Variants in ESF1 observed in about 807,000 individuals in gnomAD.
ESF1 encodes ESF1 nucleolar pre-rRNA processing protein, also known as ESF1 homolog.
ESF1 carries 58 observed loss-of-function variants against 92.0 expected under a neutral mutation model. The ratio of observed to expected loss-of-function variants is 0.63; its 90% confidence interval spans 0.51 to 0.78. The LOEUF (loss-of-function observed/expected upper bound fraction) is 0.78. ESF1 is among the 30% of genes least tolerant of loss of function. ESF1 has a pLI of 0.00. For missense variants in ESF1, 922 were observed against 989.1 expected (o/e 0.93, Z 0.91); for synonymous variants, 321 against 313.7 (o/e 1.02, Z -0.24).
At chr20:13,733,614 T>C in intron 10 of ESF1, 107 bp downstream of exon 10, 3 of 1,192,614 alleles carry the variant, frequency 2.5e-6, no homozygotes, top group Non-Finnish European at 3.4e-6. Context: ...TAACAAGGCC[T>C]ACTTCAGTGA....
intron 7 of ESF1, among the ~76,000 whole-genome samples, chr20:13,767,505 G>T (rs1358511493): frequency 6.6e-6 from 1 of 150,974 alleles, no homozygotes; most frequent in Non-Finnish European, 1.5e-5. Flanking sequence ...CTCCAGCCTG[G>T]GCAACAAGAG....
intron 8 of ESF1, among the ~76,000 whole-genome samples, chr20:13,765,959 C>T (rs935456279): frequency 6.6e-6 from 1 of 151,940 alleles, no homozygotes; most frequent in Admixed American, 6.6e-5. Context: ...TGAGAAATAG[C>T]CAAATACAAC....
chr20:13,737,811 G>A (rs551509159), intron 9 of ESF1, among the ~76,000 whole-genome samples: 1 of 150,940 alleles, frequency 6.6e-6, no homozygotes, highest in Admixed American at 6.7e-5. Context: ...ACGCCACCAT[G>A]CCAGACTAAT....
At chr20:13,717,623 T>C in intron 12 of ESF1, 109 bp from the exon 13 acceptor site, 1 of 1,233,928 alleles carries the variant, frequency 8.1e-7, no homozygotes, top group South Asian at 1.5e-5. Context: ...ACTCAATCAC[T>C]AGAACTCTGG....
At chr20:13,769,441 G>A (rs953383530) in intron 7 of ESF1, among the ~76,000 whole-genome samples, 1 of 152,182 alleles carries the variant, frequency 6.6e-6, no homozygotes, top group Admixed American at 6.5e-5. Context: ...ATATGGTAGA[G>A]GCAGACACGC....
At chr20:13,737,007 T>C (rs951632785) in intron 9 of ESF1, among the ~76,000 whole-genome samples, 6 of 152,196 alleles carry the variant, frequency 3.9e-5, no homozygotes, top group African/African-American at 1.4e-4. Context: ...ATCACAGCTG[T>C]TTATGTTCTA....
At chr20:13,772,364 T>G in intron 5 of ESF1, 151 bp downstream of exon 5, 1 of 559,030 alleles carries the variant, frequency 1.8e-6, no homozygotes, top group Non-Finnish European at 3.2e-6. Flanking sequence ...AATGTACCAC[T>G]TTTAACAGAC....
intron 9 of ESF1, among the ~76,000 whole-genome samples, chr20:13,735,162 A>T (rs1432382971): frequency 1.3e-5 from 2 of 152,098 alleles, no homozygotes; most frequent in African/African-American, 4.8e-5. Context: ...AAAAATATAT[A>T]AAACAACTAA....
In ESF1 at chr20:13,714,797, C is replaced by T. The variant is rs1172156043; in HGVS notation, c.*77G>A. The T allele has an allele frequency of 3.3e-6, 4 of 1,203,174 alleles. No individual in the cohort carries two copies. The African/African-American group carries it at 6.1e-5, about 18-fold the overall frequency. The allele number at this position is 1,203,174 out of a possible 1,614,324, so 74.5% of individuals were successfully genotyped here. On this transcript the variant is annotated 3_prime_UTR_variant, in exon 14 of 14. Coordinates refer to ENST00000617257, the MANE Select transcript of ESF1 (RefSeq NM_001276380.2). ...ATGTTCTTGAAAGATAGCTTTGTTC[C>T]CAATAAATATTCCCTCCTATTATTT... is the stretch of plus-strand genomic sequence containing the variant.
intron 2 of ESF1, among the ~76,000 whole-genome samples, chr20:13,778,347 A>G (rs577426734): frequency 1.3e-3 from 191 of 152,268 alleles, no homozygotes; most frequent in African/African-American, 4.4e-3. Context: ...TGAGGTAAGC[A>G]GAATTTACTT....
chr20:13,773,960 T>C (rs1979807517), intron 4 of ESF1, among the ~76,000 whole-genome samples: 2 of 151,806 alleles, frequency 1.3e-5, no homozygotes, highest in South Asian at 4.2e-4. Flanking sequence ...CCGGGCGTGG[T>C]GGTGGGCGCC....
intron 13 of ESF1, among the ~76,000 whole-genome samples, chr20:13,716,473 C>T (rs747209140): frequency 6.6e-6 from 1 of 152,088 alleles, no homozygotes; most frequent in Non-Finnish European, 1.5e-5. Context: ...AAAAACTACA[C>T]ATTTTTGGTA....
At chr20:13,737,012 G>A (rs912852571) in intron 9 of ESF1, among the ~76,000 whole-genome samples, 10 of 152,258 alleles carry the variant, frequency 6.6e-5, no homozygotes, top group Non-Finnish European at 1.3e-4. Context: ...AGCTGTTTAT[G>A]TTCTAAGTTC....
At position 13,717,384 on chromosome 20, in the gene ESF1, A is replaced by G. The variant is rs762607301; in HGVS notation, c.2246T>C (p.Ile749Thr). 7.4e-6 allele frequency: 12 copies of G among 1,614,086 alleles called. No homozygotes were observed. In the South Asian group the frequency reaches 1.2e-4, roughly 16 times the overall value. ...TATGGTTACCTCAAAGTCATCCTCT[A>G]TTAATTCCTTCTTTTTCATGAGCTG... is the stretch of plus-strand genomic sequence containing the variant. ...KKQLMKKKEL[I>T]EDDFEVNVND... is the part of the protein sequence containing the mutation. The change falls in exon 13 of 14, where the codon ATA becomes ACA. Residue 749 changes from isoleucine (I) to threonine (T), a missense_variant. By Grantham distance (89) the Ile-to-Thr change is moderately conservative. Coordinates refer to ENST00000617257, the MANE Select transcript of ESF1 (RefSeq NM_001276380.2).
intron 11 of ESF1, among the ~76,000 whole-genome samples, chr20:13,719,646 A>G (rs2049854288): frequency 6.6e-6 from 1 of 152,178 alleles, no homozygotes; most frequent in African/African-American, 2.4e-5. Flanking sequence ...GGTGAATTTA[A>G]GAGTTAAATA....
intron 9 of ESF1, among the ~76,000 whole-genome samples, chr20:13,756,974 A>T (rs896226143): frequency 6.6e-6 from 1 of 151,994 alleles, no homozygotes; most frequent in Non-Finnish European, 1.5e-5. Context: ...TGGGTTTGAG[A>T]TCTGTCCTAT....
chr20:13,782,679 C>T lies in ESF1; in HGVS notation c.462G>A (p.Pro154=), dbSNP rs916864506. Residue 154 remains proline (P), a synonymous_variant, in exon 2 of 14, where the codon CCG becomes CCA. Transcript: ENST00000617257. ...CKFKIDSNIS[P]KKDSKEFTQK... ...GTGTAAATTCTTTGCTATCCTTCTT[C>T]GGACTTATGTTTGAATCTATCTTAA... is the stretch of plus-strand genomic sequence containing the variant. 4 of 1,596,706 alleles carry T rather than the reference C, an allele frequency of 2.5e-6. No homozygotes were observed. The highest frequency in any genetic ancestry group is 2.2e-5 in the East Asian group (1 of 44,676).
chr20:13,771,913 T>C (rs1219916516), intron 5 of ESF1, among the ~76,000 whole-genome samples: 1 of 2,862 alleles, frequency 3.5e-4, no homozygotes, highest in East Asian at 0.25. Flanking sequence ...CAACACATTC[T>C]TTTTTTTTTT....
chr20:13,776,075 T>A lies in ESF1; in HGVS notation c.833A>T (p.Glu278Val), dbSNP rs780354632. The change falls in exon 3 of 14, where the codon GAG becomes GTG. Residue 278 changes from glutamate to valine, a missense_variant. Glu to Val is a moderately radical substitution (Grantham distance 121, BLOSUM62 -2). Coordinates refer to ENST00000617257, the MANE Select transcript of ESF1 (RefSeq NM_001276380.2). ...TTCATCCTCCTCTTCATCTTCATCCTCCTCTTCATCATCTTCACTTCCATC... is the reference window on the plus strand; with the variant it reads ...TTCATCCTCCTCTTCATCTTCATCCACCTCTTCATCATCTTCACTTCCATC... ...DDDGSEDDEE[E>V]DEDEEEDEDE... 1 of 1,613,548 alleles carries A rather than the reference T, an allele frequency of 6.2e-7. No individual in the cohort carries two copies. The highest frequency in any genetic ancestry group is 1.1e-5 in the South Asian group (1 of 91,060).
Sources: allele counts gnomAD v4.1 joint callset (sites outside exome capture counted in the v4.1 genomes callset), GRCh38; gene constraint gnomAD v4.1.1; transcripts MANE v1.5; gene names NCBI Gene and HGNC (gene_info 2026-07-23, HGNC 2026-07-21).